The following SNAP23 variants were observed in gnomAD, a reference collection of about 807,000 sequenced individuals.
SNAP23 encodes the protein synaptosome associated protein 23.
In SNAP23, 11 loss-of-function variants were observed where a neutral mutation model predicts 29.0. The observed-to-expected ratio is 0.38, with a 90% CI of 0.24 to 0.63. SNAP23 has a LOEUF of 0.63. Ranked by LOEUF, SNAP23 falls within the 20% of genes least tolerant of loss-of-function variation. The pLI is 0.58. For missense variants in SNAP23, 220 were observed against 253.9 expected (o/e 0.87, Z 0.91); for synonymous variants, 60 against 82.9 (o/e 0.72, Z 1.50).
chr15:42,508,274 A>AAAAAG (rs2057330572), intron 1 of SNAP23, among the ~76,000 whole-genome samples: 2 of 151,608 alleles, frequency 1.3e-5, no homozygotes, highest in African/African-American at 2.4e-5. Flanking sequence ...AAAAAAAAAA[A>AAAAAG]AAAGAAAGAA....
chr15:42,532,653 T>A lies in SNAP23; in HGVS notation c.*1175T>A. On this transcript the variant is annotated 3_prime_UTR_variant, in exon 8 of 8. Coordinates refer to ENST00000249647, the MANE Select transcript of SNAP23 (RefSeq NM_003825.4). Reference sequence around the variant, plus strand: ...AGGGCTTAAAATTTTTTGGAAAAGTTTGACAAAGCATACCACATGAATTCA... The same window carrying A: ...AGGGCTTAAAATTTTTTGGAAAAGTATGACAAAGCATACCACATGAATTCA... The A allele has an allele frequency of 6.6e-6, 1 of 152,666 alleles. No homozygotes were observed. The highest frequency in any genetic ancestry group is 1.9e-4 in the East Asian group (1 of 5,206). The allele number at this position is 152,666 out of a possible 1,614,324, so 9.5% of individuals were successfully genotyped here.
At chr15:42,511,990 C>T (rs1198782952) in intron 2 of SNAP23, 87 bp downstream of exon 2, 20 of 780,660 alleles carry the variant, frequency 2.6e-5, no homozygotes, top group Non-Finnish European at 3.9e-5. Flanking sequence ...GACATTTTGG[C>T]CTCTTCCTAG....
intron 1 of SNAP23, among the ~76,000 whole-genome samples, chr15:42,509,284 G>A (rs1316540325): frequency 6.6e-6 from 1 of 152,102 alleles, no homozygotes; most frequent in Non-Finnish European, 1.5e-5. Flanking sequence ...TTTTATGCTT[G>A]TATCTAATGA....
intron 5 of SNAP23, among the ~76,000 whole-genome samples, chr15:42,522,884 C>T (rs2057461657): frequency 1.8e-5 from 2 of 110,312 alleles, no homozygotes; most frequent in Non-Finnish European, 3.4e-5. Context: ...CTCGTTCTGT[C>T]CCCCAGGCTA....
At chr15:42,525,828 T>C (rs2899058) in intron 5 of SNAP23, among the ~76,000 whole-genome samples, 148,286 of 152,236 alleles carry the variant, frequency 0.97, 72,283 homozygotes, top group Non-Finnish European at 1. Flanking sequence ...ATAGACTATG[T>C]TTCAATTAAA....
In SNAP23 at chr15:42,532,175, T is replaced by G. The variant is rs1304098436; in HGVS notation, c.*697T>G. The G allele has an allele frequency of 2.6e-5, 4 of 151,902 alleles. No homozygotes were observed. Among genetic ancestry groups the G allele is most frequent in the Non-Finnish European group, 4.4e-5 (3 of 68,044 alleles). 9.4% of individuals were successfully genotyped at this position (151,902 alleles called of 1,614,324 possible). On this transcript the variant is annotated 3_prime_UTR_variant, in exon 8 of 8. Transcript: ENST00000249647. ...AGCGCGATCTGGGCTCACTGCAACC[T>G]CCGCCTCCCTGGTTCAAGCAATTCT...
chr15:42,494,549 C>G (rs1443258024), upstream of SNAP23, among the ~76,000 whole-genome samples: 2 of 146,118 alleles, frequency 1.4e-5, no homozygotes, highest in African/African-American at 5.1e-5. Context: ...GAATTTCACT[C>G]TCGTTGCCCA....
chr15:42,519,312 C>T lies in SNAP23; in HGVS notation c.266+3958C>T, dbSNP rs538548919. ...TCAGGTGATCCGCCTGCCTCGGCCT[C>T]CCAAAGTGCTGGGATTACAAGCATG... On this transcript the variant is annotated intron_variant, in intron 5 of 7. Transcript: ENST00000249647. 4.6e-5 allele frequency among the ~76,000 whole-genome samples: 7 copies of T among 151,792 alleles called. 1 individual carries two copies. The South Asian group carries it at 1.5e-3, about 31-fold the overall frequency.
chr15:42,520,740 C>G (rs536925579), intron 5 of SNAP23, among the ~76,000 whole-genome samples: 1 of 152,172 alleles, frequency 6.6e-6, no homozygotes, highest in Admixed American at 6.5e-5. Context: ...GTGATCCGCC[C>G]GCCTTGGCCT....
intron 2 of SNAP23, among the ~76,000 whole-genome samples, chr15:42,512,744 C>G (rs906524500): frequency 6.6e-6 from 1 of 151,800 alleles, no homozygotes; most frequent in African/African-American, 2.4e-5. Flanking sequence ...TGGAAACAGT[C>G]TCACTATGTT....
chr15:42,510,907 C>G (rs139593668), intron 1 of SNAP23, among the ~76,000 whole-genome samples: 90 of 152,180 alleles, frequency 5.9e-4, no homozygotes, highest in African/African-American at 2.1e-3. Context: ...GACAATCAAG[C>G]AACTCCAGAC....
chr15:42,514,128 TG>T (rs1466896302), intron 4 of SNAP23, among the ~76,000 whole-genome samples: 4 of 148,962 alleles, frequency 2.7e-5, no homozygotes, highest in African/African-American at 7.5e-5. Flanking sequence ...TGTTTTGTTT[TG>T]TTTTGTTTTT....
upstream of SNAP23, among the ~76,000 whole-genome samples, chr15:42,491,839 T>C (rs573943762): frequency 4.6e-4 from 70 of 152,180 alleles, no homozygotes; most frequent in African/African-American, 1.4e-3. Flanking sequence ...GCCTTGGCCT[T>C]CCAAAGTTCT....
chr15:42,511,844 A>C lies in SNAP23; in HGVS notation c.-3A>C. ...TCTGTGCCTAATAGAGTTTTGATTC[A>C]TCATGGATAATCTGTCATCAGAAGA... On this transcript the variant is annotated 5_prime_UTR_variant, in exon 2 of 8. Coordinates refer to ENST00000249647, the MANE Select transcript of SNAP23 (RefSeq NM_003825.4). 1 of 1,583,840 alleles carries C rather than the reference A, an allele frequency of 6.3e-7. No individual in the cohort carries two copies. The highest frequency in any genetic ancestry group is 8.6e-7 in the Non-Finnish European group (1 of 1,162,284).
intron 5 of SNAP23, among the ~76,000 whole-genome samples, chr15:42,518,951 C>T (rs1015777139): frequency 8.5e-5 from 13 of 152,072 alleles, no homozygotes; most frequent in Admixed American, 7.2e-4. Flanking sequence ...CAGCCTCGAC[C>T]TCCTAGGTTC....
intron 1 of SNAP23, among the ~76,000 whole-genome samples, chr15:42,500,390 T>C (rs2057259113): frequency 1.9e-5 from 2 of 107,614 alleles, no homozygotes; most frequent in Admixed American, 9.4e-5. Context: ...TTCTTTTCCC[T>C]TTTTTTTTTT....
At chr15:42,510,428 A>G (rs1426987498) in intron 1 of SNAP23, among the ~76,000 whole-genome samples, 1 of 152,114 alleles carries the variant, frequency 6.6e-6, no homozygotes, top group Non-Finnish European at 1.5e-5. Context: ...GAGCTACCAC[A>G]CCCAGCCAAA....
rs1595521172 is a variant in SNAP23, at chr15:42,511,854, A to G, written c.8A>G (p.Asn3Ser). 2.5e-6 allele frequency: 4 copies of G among 1,593,524 alleles called. No homozygotes were observed. Among genetic ancestry groups the G allele is most frequent in the Non-Finnish European group, 3.4e-6 (4 of 1,168,350 alleles). Residue 3 changes from asparagine to serine, a missense_variant, in exon 2 of 8, where the codon AAT becomes AGT. Coordinates refer to ENST00000249647, the MANE Select transcript of SNAP23 (RefSeq NM_003825.4). MD[N>S]LSSEEIQQRA... ...ATAGAGTTTTGATTCATCATGGATA[A>G]TCTGTCATCAGAAGAAATTCAACAG...
chr15:42,518,685 C>T (rs1309910534), intron 5 of SNAP23, among the ~76,000 whole-genome samples: 1 of 152,122 alleles, frequency 6.6e-6, no homozygotes. Context: ...TCCAGAAGTG[C>T]TGGGATTGCA....
Sources: gnomAD v4.1 joint callset for allele counts (sites outside exome capture counted in the v4.1 genomes callset) on GRCh38, gnomAD v4.1.1 for gene constraint, MANE v1.5 for transcripts, NCBI Gene and HGNC (gene_info 2026-07-23, HGNC 2026-07-21) for gene names.